Variants in GBE1 observed in about 807,000 individuals in gnomAD.
GBE1 encodes the protein 1,4-alpha-glucan-branching enzyme.
Under a neutral mutation model 88.8 loss-of-function variants are expected in GBE1, and 70 were observed. The observed-to-expected ratio is 0.79, with a 90% CI of 0.65 to 0.96. GBE1 has a LOEUF of 0.96. GBE1 is among the 40% of genes least tolerant of loss of function. The pLI, the probability that GBE1 is intolerant of heterozygous loss-of-function variation, is 0.00. For synonymous variants in GBE1, 284 were observed against 300.1 expected (o/e 0.95, Z 0.56); for missense variants, 872 against 871.0 (o/e 1.00, Z -0.01).
At chr3:81,718,769 T>C (rs1202148114) in intron 1 of GBE1, among the ~76,000 whole-genome samples, 1 of 152,130 alleles carries the variant, frequency 6.6e-6, no homozygotes, top group Non-Finnish European at 1.5e-5. Flanking sequence ...CCCTAATAGT[T>C]GGGATTACAG....
rs1015298389 is a variant in GBE1, at chr3:81,725,356, G to A, written c.144-19743C>T. Among the ~76,000 whole-genome samples, 13 of 151,560 alleles carry A rather than the reference G, an allele frequency of 8.6e-5. No individual in the cohort carries two copies. The East Asian group carries it at 9.7e-4, about 11-fold the overall frequency. ...TTCCTTATATCTTTTGGCCTACCCC[G>A]GGTCAGGATTATCAATATCACTGTC... On this transcript the variant is annotated intron_variant, in intron 1 of 15. Transcript: ENST00000429644.
chr3:81,678,509 T>C (rs1445817336), intron 2 of GBE1, among the ~76,000 whole-genome samples: 1 of 152,170 alleles, frequency 6.6e-6, no homozygotes, highest in African/African-American at 2.4e-5. Context: ...GGATGATAAA[T>C]GGATATACCT....
intron 14 of GBE1, among the ~76,000 whole-genome samples, chr3:81,533,509 TTGCCCTCAA>T (rs1703035981): frequency 6.6e-6 from 1 of 152,062 alleles, no homozygotes; most frequent in Non-Finnish European, 1.5e-5. Context: ...CCATCTCTCT[TTGCCCTCAA>T]TGTCACTGAG....
rs568964823 is a variant in GBE1, at chr3:81,561,271, G to T, written c.1618+16654C>A. ...GCAGAAGTTGATTCAAACTTGTACA[G>T]TCAAAGAAACACAACTCTTGTCTCA... On this transcript the variant is annotated intron_variant, in intron 12 of 15. Coordinates refer to ENST00000429644, the MANE Select transcript of GBE1 (RefSeq NM_000158.4). Among the ~76,000 whole-genome samples, 16 of 152,140 alleles carry T rather than the reference G, an allele frequency of 1.1e-4. No homozygotes were observed. In the South Asian group the frequency reaches 1.2e-3, roughly 12 times the overall value.
At chr3:81,663,613 G>A (rs892913241) in intron 3 of GBE1, among the ~76,000 whole-genome samples, 4 of 152,166 alleles carry the variant, frequency 2.6e-5, no homozygotes, top group Non-Finnish European at 4.4e-5. Context: ...AAGAACCCGG[G>A]ATACAGAAAA....
intron 3 of GBE1, among the ~76,000 whole-genome samples, chr3:81,664,609 T>C (rs899588302): frequency 7.2e-5 from 11 of 152,190 alleles, no homozygotes; most frequent in Admixed American, 2.6e-4. Context: ...TCATTATTAA[T>C]TTTAAAATGA....
chr3:81,728,257 GT>G (rs1326912191), intron 1 of GBE1, among the ~76,000 whole-genome samples: 2 of 152,074 alleles, frequency 1.3e-5, no homozygotes, highest in Non-Finnish European at 2.9e-5. Flanking sequence ...ATAAGTAAAT[GT>G]ATTGAAAGTA....
At chr3:81,490,582 C>G in intron 15 of GBE1, 119 bp from the exon 16 acceptor site, 1 of 807,930 alleles carries the variant, frequency 1.2e-6, no homozygotes, top group South Asian at 1.5e-5. Flanking sequence ...GTTACCTTTA[C>G]AATTTTACAA....
intron 14 of GBE1, among the ~76,000 whole-genome samples, chr3:81,520,649 A>G (rs1312900960): frequency 6.6e-6 from 1 of 151,646 alleles, no homozygotes; most frequent in Non-Finnish European, 1.5e-5. Context: ...ACTTAAGTGA[A>G]TATAATACAT....
chr3:81,739,545 C>A (rs1706318407), intron 1 of GBE1, among the ~76,000 whole-genome samples: 1 of 152,092 alleles, frequency 6.6e-6, no homozygotes, highest in African/African-American at 2.4e-5. Context: ...TATTGCCTGG[C>A]AAATATTGAG....
chr3:81,621,759 G>C (rs1704336981), intron 7 of GBE1, among the ~76,000 whole-genome samples: 1 of 152,076 alleles, frequency 6.6e-6, no homozygotes, highest in Admixed American at 6.5e-5. Context: ...CATTTCCTTA[G>C]TGAACTACTC....
At chr3:81,695,475 CAG>C (rs1445217914) in intron 2 of GBE1, among the ~76,000 whole-genome samples, 1 of 152,002 alleles carries the variant, frequency 6.6e-6, no homozygotes, top group Non-Finnish European at 1.5e-5. Flanking sequence ...TGGTGGTTGA[CAG>C]GGGTTGGTAG....
chr3:81,496,286 C>T (rs1383082327), intron 15 of GBE1, among the ~76,000 whole-genome samples: 4 of 152,168 alleles, frequency 2.6e-5, no homozygotes, highest in Non-Finnish European at 5.9e-5. Context: ...TTATCCCCAG[C>T]TTCACAGTTT....
At chr3:81,649,579 C>G (rs1004530559) in intron 4 of GBE1, among the ~76,000 whole-genome samples, 1 of 151,842 alleles carries the variant, frequency 6.6e-6, no homozygotes, top group African/African-American at 2.4e-5. Context: ...TCTTTAACCT[C>G]AAAAACATAG....
In GBE1 at chr3:81,610,325, A is replaced by G. The variant is rs192603065; in HGVS notation, c.993-16302T>C. On this transcript the variant is annotated intron_variant, in intron 7 of 15. Transcript: ENST00000429644. ...CAGACACTTGCTAGTCTTTGGCAAT[A>G]GTTTTAAAATAAACTGAAAAGTATC... 1.6e-4 allele frequency among the ~76,000 whole-genome samples: 25 copies of G among 152,338 alleles called. 1 individual carries two copies. The East Asian group carries it at 4.8e-3, about 29-fold the overall frequency.
At chr3:81,746,257 T>TAA (rs1275292855) in intron 1 of GBE1, among the ~76,000 whole-genome samples, 1 of 152,130 alleles carries the variant, frequency 6.6e-6, no homozygotes, top group Non-Finnish European at 1.5e-5. Flanking sequence ...GACTAAAATA[T>TAA]AAAACGTTTT....
chr3:81,628,200 A>G (rs1006927904), intron 7 of GBE1, among the ~76,000 whole-genome samples: 6 of 152,108 alleles, frequency 3.9e-5, no homozygotes, highest in Admixed American at 3.3e-4. Flanking sequence ...TTGCATTAGC[A>G]TACATATTGT....
intron 12 of GBE1, among the ~76,000 whole-genome samples, chr3:81,571,036 C>G (rs1039643485): frequency 6.6e-6 from 1 of 151,868 alleles, no homozygotes; most frequent in Non-Finnish European, 1.5e-5. Flanking sequence ...TCTTCTTTAA[C>G]AGGAAAAGCA....
intron 14 of GBE1, among the ~76,000 whole-genome samples, chr3:81,512,755 T>C (rs1332726554): frequency 4.6e-5 from 7 of 151,882 alleles, no homozygotes; most frequent in African/African-American, 7.2e-5. Flanking sequence ...GCCTAACCAG[T>C]ATCACTGGAG....
Sources: allele counts gnomAD v4.1 joint callset (sites outside exome capture counted in the v4.1 genomes callset), GRCh38; gene constraint gnomAD v4.1.1; transcripts MANE v1.5; gene names NCBI Gene and HGNC (gene_info 2026-07-23, HGNC 2026-07-21).